Variants in MBP observed in about 807,000 individuals in gnomAD.
MBP encodes the protein Golli-MBP.
Under a neutral mutation model 35.8 loss-of-function variants are expected in MBP, and 16 were observed. That is an observed-to-expected ratio of 0.45 (90% CI 0.30 to 0.68). The LOEUF is 0.68. Among genes scored for constraint, MBP ranks in the 30% least tolerant of loss-of-function variants. MBP has a pLI of 0.08. For synonymous variants in MBP, 143 were observed against 159.6 expected (o/e 0.90, Z 0.78); for missense variants, 380 against 404.7 (o/e 0.94, Z 0.52).
intron 2 of MBP, among the ~76,000 whole-genome samples, chr18:77,104,414 C>T (rs1976173088): frequency 6.6e-6 from 1 of 152,100 alleles, no homozygotes; most frequent in African/African-American, 2.4e-5. Context: ...AGCCAAGTAG[C>T]CGCACGCAGG....
chr18:77,118,594 A>G (rs976201097), intron 1 of MBP, among the ~76,000 whole-genome samples: 1 of 149,460 alleles, frequency 6.7e-6, no homozygotes, highest in African/African-American at 2.5e-5. Context: ...CCCCACCCAC[A>G]CACACACTCC....
chr18:77,040,534 T>C (rs1972950308), intron 3 of MBP, among the ~76,000 whole-genome samples: 2 of 152,138 alleles, frequency 1.3e-5, no homozygotes, highest in Non-Finnish European at 2.9e-5. Context: ...CAAACTATAC[T>C]ACAAGGCTAC....
chr18:77,037,703 A>AGGAGGAGG (rs1333661654), intron 3 of MBP, among the ~76,000 whole-genome samples: 6 of 152,178 alleles, frequency 3.9e-5, no homozygotes, highest in Admixed American at 1.3e-4. Flanking sequence ...GCAGGATGAG[A>AGGAGGAGG]GGAGGAGGAA....
At chr18:77,099,515 C>T (rs187292074) in intron 2 of MBP, among the ~76,000 whole-genome samples, 22 of 152,394 alleles carry the variant, frequency 1.4e-4, no homozygotes, top group Admixed American at 1.4e-3. Flanking sequence ...TCCCCTGTCT[C>T]TTTCCTCATT....
chr18:76,988,168 T>TA lies in MBP; in HGVS notation c.750+326dup, dbSNP rs1321007557. Reference sequence around the variant, plus strand: ...TCGCACTGGTTGTGTTGGAGGAAGTTAAACATTTTCTCGGACGTGGTGTTG... The same window carrying TA: ...TCGCACTGGTTGTGTTGGAGGAAGTTAAAACATTTTCTCGGACGTGGTGTTG... On this transcript the variant is annotated intron_variant, in intron 7 of 8. Coordinates refer to ENST00000355994, the MANE Select transcript of MBP (RefSeq NM_001025101.2). This position sits in a 1 kb window ranked among gnomAD's most constrained non-coding sequence, Gnocchi z 5.2. The TA allele has an allele frequency of 1.3e-6, 2 of 1,540,014 alleles. No homozygotes were observed. The highest frequency in any genetic ancestry group is 1.7e-6 in the Non-Finnish European group (2 of 1,146,732).
At chr18:77,108,062 A>G (rs1288103344) in intron 1 of MBP, among the ~76,000 whole-genome samples, 2 of 152,192 alleles carry the variant, frequency 1.3e-5, no homozygotes, top group Non-Finnish European at 2.9e-5. Context: ...TCAAGGAACT[A>G]TGGTGGGAAC....
rs938592807 is a variant in MBP, at chr18:77,044,897, GA to G, written c.139+21400del. On this transcript the variant is annotated intron_variant, in intron 3 of 8. Coordinates refer to ENST00000355994, the MANE Select transcript of MBP (RefSeq NM_001025101.2). This position sits in a 1 kb window ranked among gnomAD's most constrained non-coding sequence, Gnocchi z 4.4. ...TTGTATCCTGTGTGTAAGTGTGTGT[GA>G]CTGTGTGAGTGTGTAAGAAAATGTG... Among the ~76,000 whole-genome samples, 2 of 137,168 alleles carry G rather than the reference GA, an allele frequency of 1.5e-5. No individual in the cohort carries two copies. Among genetic ancestry groups the G allele is most frequent in the African/African-American group, 5.6e-5 (2 of 35,482 alleles). The allele number at this position is 137,168 out of a possible 152,430, so 90.0% of individuals were successfully genotyped here.
At chr18:77,029,106 C>A (rs3943395) in intron 3 of MBP, among the ~76,000 whole-genome samples, 1 of 81,002 alleles carries the variant, frequency 1.2e-5, no homozygotes, top group Non-Finnish European at 3.3e-5. Context: ...GCCACTGCAC[C>A]CCAGCCTGGG....
chr18:77,024,370 TTC>T (rs1871583859), intron 3 of MBP, among the ~76,000 whole-genome samples: 3 of 152,358 alleles, frequency 2.0e-5, no homozygotes, highest in South Asian at 2.1e-4. Context: ...GTCTAAAGAA[TTC>T]TGTTTAGAAA....
At chr18:77,010,956 A>G (rs1374991098) in intron 4 of MBP, among the ~76,000 whole-genome samples, 1 of 152,256 alleles carries the variant, frequency 6.6e-6, no homozygotes, top group Non-Finnish European at 1.5e-5. Flanking sequence ...AATAGGTTTC[A>G]GGAGATGTAT....
intron 2 of MBP, among the ~76,000 whole-genome samples, chr18:77,091,775 CA>C (rs1975536472): frequency 6.6e-6 from 1 of 152,062 alleles, no homozygotes; most frequent in African/African-American, 2.4e-5. Flanking sequence ...GCCACACACA[CA>C]CCACACACAC....
chr18:77,048,118 T>C (rs1248433957), intron 3 of MBP, among the ~76,000 whole-genome samples: 1 of 152,214 alleles, frequency 6.6e-6, no homozygotes, highest in East Asian at 1.9e-4. Context: ...GACGCCCTTT[T>C]AATCTCCACT....
At chr18:77,117,701 G>T (rs1281601434) in intron 1 of MBP, among the ~76,000 whole-genome samples, 1 of 147,046 alleles carries the variant, frequency 6.8e-6, no homozygotes, top group Admixed American at 6.9e-5. Flanking sequence ...GAATGAGGTA[G>T]GTAACATCCT....
intron 2 of MBP, among the ~76,000 whole-genome samples, chr18:77,104,426 G>GA (rs1316074194): frequency 6.6e-6 from 1 of 152,202 alleles, no homozygotes; most frequent in Non-Finnish European, 1.5e-5. Context: ...GCACGCAGGA[G>GA]AAAGGAGGTT....
rs547064265 is a variant in MBP at position 76,980,527 on chromosome 18, A to G, written c.871-56T>C. The G allele has an allele frequency of 1.2e-5, 16 of 1,371,036 alleles. No homozygotes were observed. The African/African-American group carries it at 2.1e-4, about 18-fold the overall frequency. 84.9% of individuals were successfully genotyped at this position (1,371,036 alleles called of 1,614,324 possible). ...GAGTGCCGCAGGGTCCTCCCACACC[A>G]GCATCCCCTCTTCTGTGGTCCCGGG... On this transcript the variant is annotated intron_variant, in intron 8 of 8. Coordinates refer to ENST00000355994, the MANE Select transcript of MBP (RefSeq NM_001025101.2).
Position 77,020,776 on chromosome 18 carries a change from G to C in MBP, c.140-3508C>G, listed in dbSNP as rs185684772. ...GCACAGCGAACCACCCTCCCGGTTAGGGCATGGTGGGTGGGAGCACTCTGG... is the reference window on the plus strand; with the variant it reads ...GCACAGCGAACCACCCTCCCGGTTACGGCATGGTGGGTGGGAGCACTCTGG... On this transcript the variant is annotated intron_variant, in intron 3 of 8. Coordinates refer to ENST00000355994, the MANE Select transcript of MBP (RefSeq NM_001025101.2). The surrounding 1 kb of genome is among the most constrained non-coding windows in gnomAD (Gnocchi z 4.1). Among the ~76,000 whole-genome samples, 19 of 152,318 alleles carry C rather than the reference G, an allele frequency of 1.2e-4. No homozygotes were observed. The highest frequency in any genetic ancestry group is 3.3e-4 in the Admixed American group (5 of 15,296).
At chr18:77,027,373 A>G (rs897206250) in intron 3 of MBP, among the ~76,000 whole-genome samples, 1 of 152,210 alleles carries the variant, frequency 6.6e-6, no homozygotes, top group African/African-American at 2.4e-5. Flanking sequence ...ATCTGCCTGC[A>G]CACGCCTGCC....
chr18:77,067,415 G>T (rs60967465), intron 2 of MBP, among the ~76,000 whole-genome samples: 1 of 152,252 alleles, frequency 6.6e-6, no homozygotes, highest in African/African-American at 2.4e-5. Context: ...ATGTCGGCAC[G>T]CACAGACTGC....
chr18:77,061,630 T>C (rs1470584087), intron 3 of MBP, among the ~76,000 whole-genome samples: 2 of 152,094 alleles, frequency 1.3e-5, no homozygotes, highest in Admixed American at 6.5e-5. Flanking sequence ...CAGCTCAGAG[T>C]GAAACGGGCG....
Sources: gnomAD v4.1 joint callset for allele counts (sites outside exome capture counted in the v4.1 genomes callset) on GRCh38, gnomAD v4.1.1 for gene constraint, Gnocchi (gnomAD v3.1) non-coding constraint, MANE v1.5 for transcripts, NCBI Gene and HGNC (gene_info 2026-07-23, HGNC 2026-07-21) for gene names.